ABCA5: variants seen among roughly 807,000 people sequenced by gnomAD.
ABCA5 encodes the protein cholesterol transporter ABCA5.
ABCA5 carries 163 observed loss-of-function variants against 206.0 expected under a neutral mutation model. The observed-to-expected ratio is 0.79, with a 90% CI of 0.70 to 0.90. The LOEUF (loss-of-function observed/expected upper bound fraction) is 0.90, where lower values mean the gene tolerates loss of function less well. Among genes scored for constraint, ABCA5 ranks in the 40% least tolerant of loss-of-function variants. The pLI is 0.00. For missense variants in ABCA5, 1,859 were observed against 1,912.9 expected, an observed-to-expected ratio of 0.97 and a Z score of 0.53; for synonymous variants, 609 against 613.8, an observed-to-expected ratio of 0.99 and a Z score of 0.11.
chr17:69,247,572 A>G lies in ABCA5; in HGVS notation c.4894T>C (p.Trp1632Arg), dbSNP rs2074965073. ...SCGTLNSTLW[W>R]ERTQEDRVVF ...ACTCTATCTTCTTGTGTTCGTTCCCACCAAAGTGTGCTGTTTAAAGTTCCA... is the reference window on the plus strand; with the variant it reads ...ACTCTATCTTCTTGTGTTCGTTCCCGCCAAAGTGTGCTGTTTAAAGTTCCA... The change falls in exon 39 of 39, where the codon TGG becomes CGG. Residue 1632 changes from tryptophan to arginine, a missense_variant. Physicochemically the swap from Trp to Arg is moderately radical, Grantham distance 101 (BLOSUM62 -3). Transcript: ENST00000392676. 1.2e-6 allele frequency: 2 copies of G among 1,610,232 alleles called. No homozygotes were observed. The highest frequency in any genetic ancestry group is 1.3e-5 in the African/African-American group (1 of 74,874).
At chr17:69,279,864 C>A (rs1231730509) in intron 18 of ABCA5, among the ~76,000 whole-genome samples, 2 of 152,158 alleles carry the variant, frequency 1.3e-5, no homozygotes, top group African/African-American at 4.8e-5. Context: ...CTTCCTTACA[C>A]CTTGTACAAA....
At chr17:69,275,471 A>C (rs902404882) in intron 19 of ABCA5, among the ~76,000 whole-genome samples, 1 of 152,180 alleles carries the variant, frequency 6.6e-6, no homozygotes, top group Non-Finnish European at 1.5e-5. Flanking sequence ...TTAAATTGTT[A>C]TATCTAAGAT....
intron 34 of ABCA5, 46 bp from the exon 35 acceptor site, chr17:69,251,912 T>A: frequency 6.3e-7 from 1 of 1,582,726 alleles, no homozygotes; most frequent in African/African-American, 1.4e-5. Context: ...CATCTGTTTG[T>A]TAAAAAAAAA....
Position 69,250,561 on chromosome 17 carries a change from A to G in ABCA5, c.4596T>C (p.Ile1532=), listed in dbSNP as rs1254724538. 1.2e-6 allele frequency: 2 copies of G among 1,603,172 alleles called. No homozygotes were observed. The highest frequency in any genetic ancestry group is 3.5e-5 in the Admixed American group (2 of 57,256). Residue 1532 remains isoleucine, a synonymous_variant, in exon 36 of 39, where the codon ATT becomes ATC. Coordinates refer to ENST00000392676, the MANE Select transcript of ABCA5 (RefSeq NM_172232.4). ...GGTTTTCTATCCAGTCCTTCAATTT[A>G]ATTTCCAAAAAGTAGCCTTTTCCAA... ...SKFGKGYFLE[I]KLKDWIENLE... is the part of the protein sequence containing the mutation.
chr17:69,325,806 G>T (rs1789179188), intron 1 of ABCA5: 2 of 152,186 alleles, frequency 1.3e-5, no homozygotes, highest in Non-Finnish European at 2.9e-5. Flanking sequence ...ACTCTAGCCC[G>T]AGACGCTGTC....
intron 1 of ABCA5, 82 bp from the exon 2 acceptor site, chr17:69,314,512 T>G: frequency 3.7e-6 from 3 of 800,172 alleles, no homozygotes; most frequent in Non-Finnish European, 6.3e-6. Flanking sequence ...AATAAGCAGC[T>G]GTTTCAGTCC....
Position 69,271,294 on chromosome 17 carries a change from T to C in ABCA5, c.2765-5A>G, listed in dbSNP as rs1471790406. On this transcript the variant is annotated splice_polypyrimidine_tract_variant and splice_region_variant and intron_variant, in intron 20 of 38. Coordinates refer to ENST00000392676, the MANE Select transcript of ABCA5 (RefSeq NM_172232.4). ...TAAGATCACTGATATCTGAGTCTGG[T>C]GTTAGAAAATAAGCAAATAATAAAA... is the stretch of plus-strand genomic sequence containing the variant. 1 of 1,603,002 alleles carries C rather than the reference T, an allele frequency of 6.2e-7. No homozygotes were observed. Among genetic ancestry groups the C allele is most frequent in the Admixed American group, 1.8e-5 (1 of 56,852 alleles).
intron 4 of ABCA5, 131 bp from the exon 5 acceptor site, chr17:69,308,499 C>T (rs947340135): frequency 4.2e-5 from 21 of 499,226 alleles, no homozygotes; most frequent in Non-Finnish European, 7.5e-5. Flanking sequence ...AAGAAATAAG[C>T]TACTGACTTT....
At chr17:69,311,572 C>G (rs899584769) in intron 3 of ABCA5, among the ~76,000 whole-genome samples, 1 of 152,146 alleles carries the variant, frequency 6.6e-6, no homozygotes, top group Non-Finnish European at 1.5e-5. Flanking sequence ...TCACTGCAAC[C>G]TCCGCCTCCC....
At chr17:69,305,088 T>A (rs2075702898) in intron 6 of ABCA5, among the ~76,000 whole-genome samples, 1 of 152,184 alleles carries the variant, frequency 6.6e-6, no homozygotes, top group Non-Finnish European at 1.5e-5. Context: ...TTAATTTAAA[T>A]CTAATATTCT....
chr17:69,254,663 G>A (rs1336725966), intron 31 of ABCA5, among the ~76,000 whole-genome samples, 173 bp from the exon 32 acceptor site: 2 of 151,914 alleles, frequency 1.3e-5, no homozygotes, highest in Non-Finnish European at 2.9e-5. Flanking sequence ...ACAAACATGT[G>A]CCACCATGCC....
chr17:69,282,718 G>A (rs2075408369), intron 18 of ABCA5, among the ~76,000 whole-genome samples: 1 of 147,784 alleles, frequency 6.8e-6, no homozygotes, highest in Admixed American at 6.8e-5. Flanking sequence ...GTTGCAGTGA[G>A]CCGGGATGGT....
chr17:69,262,226 T>C (rs916097246), intron 24 of ABCA5, among the ~76,000 whole-genome samples: 8 of 152,168 alleles, frequency 5.3e-5, no homozygotes, highest in Non-Finnish European at 1.2e-4. Flanking sequence ...ATATTTTATT[T>C]TAAGTAATTT....
intron 31 of ABCA5, 85 bp from the exon 32 acceptor site, chr17:69,254,575 C>A: frequency 9.9e-7 from 1 of 1,005,694 alleles, no homozygotes; most frequent in East Asian, 2.6e-5. Flanking sequence ...AAACCCCTTC[C>A]TACAGCCAGA....
chr17:69,286,905 T>G (rs929301993), intron 15 of ABCA5, among the ~76,000 whole-genome samples: 2 of 152,182 alleles, frequency 1.3e-5, no homozygotes, highest in Non-Finnish European at 2.9e-5. Flanking sequence ...TATAAAATTG[T>G]GCAGAAAAGA....
At chr17:69,319,716 G>A (rs916011623) in intron 1 of ABCA5, among the ~76,000 whole-genome samples, 2 of 152,150 alleles carry the variant, frequency 1.3e-5, no homozygotes, top group African/African-American at 2.4e-5. Flanking sequence ...CTCACAACTC[G>A]ATTTTTCTTC....
intron 18 of ABCA5, among the ~76,000 whole-genome samples, chr17:69,280,678 T>A (rs1207765986): frequency 6.7e-6 from 1 of 150,256 alleles, no homozygotes; most frequent in African/African-American, 2.4e-5. Flanking sequence ...ATGTGGCACA[T>A]ATACACCATG....
chr17:69,291,656 A>G (rs1423156887), intron 11 of ABCA5, among the ~76,000 whole-genome samples: 1 of 152,242 alleles, frequency 6.6e-6, no homozygotes, highest in African/African-American at 2.4e-5. Context: ...GGATATTTAT[A>G]GGCATTTAAA....
At chr17:69,301,042 C>A (rs2075647257) in intron 9 of ABCA5, 97 bp downstream of exon 9, 1 of 1,131,804 alleles carries the variant, frequency 8.8e-7, no homozygotes, top group Non-Finnish European at 1.2e-6. Context: ...ACTTAGGGTA[C>A]CCTGGTTAGG....
Sources: allele counts gnomAD v4.1 joint callset (sites outside exome capture counted in the v4.1 genomes callset), GRCh38; gene constraint gnomAD v4.1.1; transcripts MANE v1.5; gene names NCBI Gene and HGNC (gene_info 2026-07-23, HGNC 2026-07-21).